SLC7A6OS: variants seen among roughly 807,000 people sequenced by gnomAD.
SLC7A6OS encodes probable RNA polymerase II nuclear localization protein SLC7A6OS.
A neutral mutation model predicts 34.3 loss-of-function variants in SLC7A6OS; 22 were observed. The ratio of observed to expected loss-of-function variants is 0.64; its 90% CI spans 0.46 to 0.92. The LOEUF is 0.92. Ranked by LOEUF, SLC7A6OS falls within the 40% of genes least tolerant of loss-of-function variation. The pLI is 0.00. For synonymous variants in SLC7A6OS, 199 were observed against 165.0 expected, an observed-to-expected ratio of 1.21 and a Z score of -1.58; for missense variants, 434 against 407.7, an observed-to-expected ratio of 1.06 and a Z score of -0.56.
intron 2 of SLC7A6OS, among the ~76,000 whole-genome samples, chr16:68,305,709 CA>C (rs1213504394): frequency 6.6e-6 from 1 of 152,170 alleles, no homozygotes; most frequent in Non-Finnish European, 1.5e-5. Context: ...TTACCTATGA[CA>C]AAAGTTCTGG....
intron 3 of SLC7A6OS, among the ~76,000 whole-genome samples, chr16:68,302,806 G>A (rs2043294862): frequency 6.6e-6 from 1 of 152,184 alleles, no homozygotes; most frequent in Non-Finnish European, 1.5e-5. Flanking sequence ...CAAAACCCAA[G>A]CGTAAGAGGT....
At chr16:68,302,586 G>T in intron 3 of SLC7A6OS, 85 bp from the exon 4 acceptor site, 1 of 1,545,324 alleles carries the variant, frequency 6.5e-7, no homozygotes, top group Non-Finnish European at 8.9e-7. Context: ...CCAGCTTGAA[G>T]AGATATCATG....
In SLC7A6OS at chr16:68,308,365, C is replaced by T. The variant is rs1188999811; in HGVS notation, c.471+1970G>A. Among the ~76,000 whole-genome samples, 5 of 152,012 alleles carry T rather than the reference C, an allele frequency of 3.3e-5. No homozygotes were observed. In the East Asian group the frequency reaches 7.8e-4, roughly 24 times the overall value. On this transcript the variant is annotated intron_variant, in intron 2 of 4. Coordinates refer to ENST00000263997, the MANE Select transcript of SLC7A6OS (RefSeq NM_032178.3). ...AGCACCAGCTGGACGTGGTGGCTCA[C>T]GCCTGTAATCCCAGCACTTTGGGAG...
At chr16:68,302,768 G>A (rs1272269117) in intron 3 of SLC7A6OS, among the ~76,000 whole-genome samples, 1 of 152,150 alleles carries the variant, frequency 6.6e-6, no homozygotes, top group Admixed American at 6.5e-5. Context: ...GGCTCTGAGC[G>A]ATTCCTTCAA....
At chr16:68,306,425 G>T (rs1285193991) in intron 2 of SLC7A6OS, among the ~76,000 whole-genome samples, 1 of 152,008 alleles carries the variant, frequency 6.6e-6, no homozygotes, top group Non-Finnish European at 1.5e-5. Context: ...CACTATGTTG[G>T]TCAGGCTGGT....
At chr16:68,303,185 A>G (rs931941889) in intron 3 of SLC7A6OS, among the ~76,000 whole-genome samples, 1 of 149,064 alleles carries the variant, frequency 6.7e-6, no homozygotes, top group African/African-American at 2.5e-5. Flanking sequence ...AATCGCTTGA[A>G]CCCAGGAGGC....
chr16:68,301,498 C>G (rs1318046889), intron 4 of SLC7A6OS, 93 bp from the exon 5 acceptor site: 4 of 1,079,726 alleles, frequency 3.7e-6, no homozygotes, highest in Non-Finnish European at 5.3e-6. Context: ...GTTTTTGTTC[C>G]CGATTGTAAT....
Position 68,310,831 on chromosome 16 carries a change from G to T in SLC7A6OS, c.96C>A (p.Ser32Arg). ...TCTGTGCCGCTGACTCGACCGCGTC[G>T]CTCCGGAGGCGTTTACAAGCGAGCA... is the stretch of plus-strand genomic sequence containing the variant. The part of the protein sequence containing the change: ...ALVLACKRLR[S>R]DAVESAAQKT... Residue 32 changes from serine (S) to arginine (R), a missense_variant, in exon 1 of 5, where the codon AGC becomes AGA. Coordinates refer to ENST00000263997, the MANE Select transcript of SLC7A6OS (RefSeq NM_032178.3). The T allele has an allele frequency of 6.2e-7, 1 of 1,613,558 alleles. No individual in the cohort carries two copies. The highest frequency in any genetic ancestry group is 8.5e-7 in the Non-Finnish European group (1 of 1,179,950).
intron 3 of SLC7A6OS, 106 bp from the exon 4 acceptor site, chr16:68,302,607 CT>C: frequency 7.0e-7 from 1 of 1,418,632 alleles, no homozygotes; most frequent in Non-Finnish European, 9.8e-7. Context: ...TAAAAGTGCC[CT>C]GTGAAAAAAC....
chr16:68,301,765 A>G (rs138572905), intron 4 of SLC7A6OS: 1 of 166,348 alleles, frequency 6.0e-6, no homozygotes, highest in African/African-American at 2.4e-5. Context: ...AAGAATATGC[A>G]ATTGTTTGAT....
Position 68,304,193 on chromosome 16 carries a change from A to G in SLC7A6OS, c.511T>C (p.Leu171=). The stretch of plus-strand genomic sequence containing the variant: ...GACACAGTCAATCGCTCACGGATCA[A>G]CTCTACAGAATTGCAGAGGATCACA... The part of the protein sequence containing the change: ...PDVILCNSVE[L]IRERLTVSED... Residue 171 remains leucine, a synonymous_variant, in exon 3 of 5, where the codon TTG becomes CTG. Transcript: ENST00000263997. 1.2e-6 allele frequency: 2 copies of G among 1,614,080 alleles called. No homozygotes were observed. The highest frequency in any genetic ancestry group is 1.7e-6 in the Non-Finnish European group (2 of 1,180,018).
At chr16:68,309,067 A>G (rs1597024805) in intron 2 of SLC7A6OS, among the ~76,000 whole-genome samples, 1 of 151,662 alleles carries the variant, frequency 6.6e-6, no homozygotes, top group Non-Finnish European at 1.5e-5. Context: ...AAAAAAAAAA[A>G]AGAGAGGGCA....
chr16:68,307,734 T>C (rs1245877536), intron 2 of SLC7A6OS, among the ~76,000 whole-genome samples: 1 of 152,236 alleles, frequency 6.6e-6, no homozygotes, highest in Non-Finnish European at 1.5e-5. Flanking sequence ...TAGTCTAGTA[T>C]GCATAAAACC....
rs1468936615 is a variant in SLC7A6OS at position 68,299,034 on chromosome 16, G to A, written c.*2241C>T. 1 of 152,666 alleles carries A rather than the reference G, an allele frequency of 6.6e-6. No homozygotes were observed. The highest frequency in any genetic ancestry group is 6.5e-5 in the Admixed American group (1 of 15,280). The allele number at this position is 152,666 out of a possible 1,614,324, so 9.5% of individuals were successfully genotyped here. A position where few individuals can be genotyped will look rare whatever the true frequency, so the allele number is the denominator to read the frequency against. On this transcript the variant is annotated 3_prime_UTR_variant, in exon 5 of 5. Coordinates refer to ENST00000263997, the MANE Select transcript of SLC7A6OS (RefSeq NM_032178.3). ...CATGGTCATAGTTGCCCTGGGTTCA[G>A]AGCATAATGCATATGTGAAGCATGG...
In SLC7A6OS at chr16:68,304,062, G is replaced by C. The variant is rs1001224297; in HGVS notation, c.642C>G (p.Ile214Met). The C allele has an allele frequency of 5.0e-6, 8 of 1,613,926 alleles. No individual in the cohort carries two copies. In the East Asian group the frequency reaches 8.9e-5, roughly 18 times the overall value. ...CTTGGCTGTAGGGCTGCACGGAGAG[G>C]ATGTTCTCAATCCAGCCTGGAGTGG... ...ETATPGWIEN[I>M]LSVQPYSQEW... The change falls in exon 3 of 5, where the codon ATC (isoleucine) becomes ATG (methionine). Residue 214 changes from isoleucine (I) to methionine (M), a missense_variant. Physicochemically the swap from Ile to Met is conservative, Grantham distance 10. Transcript: ENST00000263997.
Position 68,304,200 on chromosome 16 carries a change from A to G in SLC7A6OS, c.504T>C (p.Ser168=), listed in dbSNP as rs1412035741. The G allele has an allele frequency of 6.2e-7, 1 of 1,614,214 alleles. No individual in the cohort carries two copies. Among genetic ancestry groups the G allele is most frequent in the East Asian group, 2.2e-5 (1 of 44,884 alleles). Residue 168 remains serine, a synonymous_variant, in exon 3 of 5, where the codon TCT becomes TCC. Coordinates refer to ENST00000263997, the MANE Select transcript of SLC7A6OS (RefSeq NM_032178.3). ...TCAATCGCTCACGGATCAACTCTACAGAATTGCAGAGGATCACATCTGGGT... is the reference window on the plus strand; with the variant it reads ...TCAATCGCTCACGGATCAACTCTACGGAATTGCAGAGGATCACATCTGGGT... ...TSDPDVILCN[S]VELIRERLTV...
At position 68,302,453 on chromosome 16, in the gene SLC7A6OS, C is replaced by T. The variant is rs991229886; in HGVS notation, c.727G>A (p.Glu243Lys). Residue 243 changes from glutamate (E) to lysine (K), a missense_variant, in exon 4 of 5, where the codon GAG becomes AAG. Coordinates refer to ENST00000263997, the MANE Select transcript of SLC7A6OS (RefSeq NM_032178.3). Reference protein sequence around the residue: ...PEDIYDDEDDENSENNWRNEY... With the variant: ...PEDIYDDEDDKNSENNWRNEY... ...TTGCGCCAGTTATTCTCACTGTTCT[C>T]GTCATCTTCATCGTCGTAAATGTCC... 11 of 1,614,016 alleles carry T rather than the reference C, an allele frequency of 6.8e-6. No homozygotes were observed. The highest frequency in any genetic ancestry group is 4.0e-5 in the African/African-American group (3 of 74,922).
Position 68,300,533 on chromosome 16 carries a change from T to A in SLC7A6OS, c.*742A>T. ...CCTTGCCTTAAGTCCTTGGTATTTA[T>A]AATCAATGCTGAACCTTCTATTTCA... is the stretch of plus-strand genomic sequence containing the variant. On this transcript the variant is annotated 3_prime_UTR_variant, in exon 5 of 5. Coordinates refer to ENST00000263997, the MANE Select transcript of SLC7A6OS (RefSeq NM_032178.3). The A allele has an allele frequency of 1.2e-6, 1 of 834,568 alleles. No individual in the cohort carries two copies. The highest frequency in any genetic ancestry group is 1.4e-6 in the Non-Finnish European group (1 of 692,342). 51.7% of individuals were successfully genotyped at this position (834,568 alleles called of 1,614,324 possible).
At chr16:68,303,069 G>A (rs2043297730) in intron 3 of SLC7A6OS, among the ~76,000 whole-genome samples, 1 of 151,750 alleles carries the variant, frequency 6.6e-6, no homozygotes, top group African/African-American at 2.4e-5. Flanking sequence ...TTTGAGACCA[G>A]CCTGGGCAAC....
Sources: gnomAD v4.1 joint callset for allele counts (sites outside exome capture counted in the v4.1 genomes callset) on GRCh38, gnomAD v4.1.1 for gene constraint, MANE v1.5 for transcripts, NCBI Gene and HGNC (gene_info 2026-07-23, HGNC 2026-07-21) for gene names.